The following ATRNL1 variants were observed in gnomAD, a reference collection of about 807,000 sequenced individuals.
The protein encoded by ATRNL1 is attractin-like protein 1.
Under a neutral mutation model 182.7 loss-of-function variants are expected in ATRNL1, and 95 were observed. The observed-to-expected ratio is 0.52, with a 90% CI of 0.44 to 0.62. The LOEUF is 0.62. ATRNL1 is among the 20% of genes least tolerant of loss of function. The pLI, the probability that ATRNL1 is intolerant of heterozygous loss-of-function variation, is 0.00. For synonymous variants in ATRNL1, 576 were observed against 568.3 expected (o/e 1.01, Z -0.19); for missense variants, 1,471 against 1,679.5 (o/e 0.88, Z 2.17).
At chr10:115,659,472 C>T (rs1288801726) in intron 26 of ATRNL1, among the ~76,000 whole-genome samples, 1 of 152,076 alleles carries the variant, frequency 6.6e-6, no homozygotes, top group African/African-American at 2.4e-5. Context: ...CAGGCAGTCT[C>T]CTGGGCCCAC....
chr10:115,308,654 A>G (rs1393801437), intron 17 of ATRNL1, among the ~76,000 whole-genome samples: 1 of 152,132 alleles, frequency 6.6e-6, no homozygotes, highest in Non-Finnish European at 1.5e-5. Flanking sequence ...CCAATTAACC[A>G]TATTTCATAC....
chr10:115,859,461 C>T (rs1951261728), intron 28 of ATRNL1, among the ~76,000 whole-genome samples: 1 of 152,084 alleles, frequency 6.6e-6, no homozygotes, highest in Non-Finnish European at 1.5e-5. Flanking sequence ...GGCAGTACTG[C>T]ACAATTCTGC....
At chr10:115,383,680 A>G (rs1554951817) in intron 19 of ATRNL1, among the ~76,000 whole-genome samples, 2 of 152,012 alleles carry the variant, frequency 1.3e-5, no homozygotes, top group African/African-American at 4.8e-5. Context: ...AAAAATATAC[A>G]AATATTCAGA....
intron 28 of ATRNL1, among the ~76,000 whole-genome samples, chr10:115,871,293 A>G (rs1951572691): frequency 6.6e-6 from 1 of 151,016 alleles, no homozygotes; most frequent in African/African-American, 2.4e-5. Context: ...TAATCTTACA[A>G]CCCAGATATA....
intron 27 of ATRNL1, among the ~76,000 whole-genome samples, chr10:115,756,991 T>C (rs1948607625): frequency 6.6e-6 from 1 of 152,198 alleles, no homozygotes; most frequent in Non-Finnish European, 1.5e-5. Context: ...CCCTGCTTTT[T>C]TTTGTTTTGC....
intron 27 of ATRNL1, among the ~76,000 whole-genome samples, chr10:115,737,297 C>T (rs1490070514): frequency 6.7e-6 from 1 of 149,296 alleles, no homozygotes; most frequent in Non-Finnish European, 1.5e-5. Context: ...AAAGGCTGGG[C>T]ATGGTGGCAT....
chr10:115,287,930 T>G (rs1554919599), intron 15 of ATRNL1, among the ~76,000 whole-genome samples: 1 of 149,398 alleles, frequency 6.7e-6, no homozygotes, highest in Admixed American at 6.7e-5. Context: ...AACTGTTTTT[T>G]TTTTTTTTTT....
At position 115,787,074 on chromosome 10, in the gene ATRNL1, G is replaced by T. The variant is rs78872394; in HGVS notation, c.3903+59719G>T. 9.2e-5 allele frequency among the ~76,000 whole-genome samples: 14 copies of T among 152,274 alleles called. 1 individual carries two copies. In the East Asian group the frequency reaches 2.7e-3, roughly 29 times the overall value. ...TATCAAAGGTTCTTTATCTGATTCT[G>T]TGAATTGATATTTAATACATGGTCT... On this transcript the variant is annotated intron_variant, in intron 27 of 28. Transcript: ENST00000355044.
chr10:115,445,022 C>T (rs111922303), intron 21 of ATRNL1, among the ~76,000 whole-genome samples: 2,486 of 152,062 alleles, frequency 0.016, 19 homozygotes, highest in Middle Eastern at 0.037. Flanking sequence ...TGAGCCACTG[C>T]ACCCGACCCT....
chr10:115,482,938 G>C (rs558010860), intron 24 of ATRNL1, among the ~76,000 whole-genome samples: 1 of 151,258 alleles, frequency 6.6e-6, no homozygotes, highest in Non-Finnish European at 1.5e-5. Flanking sequence ...TGTACTAACC[G>C]TAAGGTAAGA....
At chr10:115,165,354 C>G (rs1206717453) in intron 6 of ATRNL1, among the ~76,000 whole-genome samples, 6 of 151,858 alleles carry the variant, frequency 4.0e-5, no homozygotes, top group Admixed American at 1.3e-4. Flanking sequence ...ATTCAGGAGA[C>G]TGAATCCTAA....
At chr10:115,149,228 G>A (rs1171486983) in intron 5 of ATRNL1, among the ~76,000 whole-genome samples, 1 of 152,028 alleles carries the variant, frequency 6.6e-6, no homozygotes, top group African/African-American at 2.4e-5. Context: ...AAAAGGGAAG[G>A]GAAAATCTCC....
intron 19 of ATRNL1, among the ~76,000 whole-genome samples, chr10:115,337,932 A>G (rs1252853396): frequency 5.9e-5 from 9 of 152,110 alleles, no homozygotes; most frequent in Non-Finnish European, 1.2e-4. Flanking sequence ...TTAGATTCTC[A>G]TAAGGAGTGC....
At chr10:115,647,529 T>A (rs1328327199) in intron 26 of ATRNL1, among the ~76,000 whole-genome samples, 1 of 152,196 alleles carries the variant, frequency 6.6e-6, no homozygotes, top group Non-Finnish European at 1.5e-5. Flanking sequence ...GTGGTTTTGA[T>A]TTGCATTTCT....
chr10:115,477,402 A>C (rs1848584139), intron 24 of ATRNL1, among the ~76,000 whole-genome samples: 1 of 151,570 alleles, frequency 6.6e-6, no homozygotes, highest in African/African-American at 2.4e-5. Context: ...GACATTCTTA[A>C]CTGGGCATGC....
At chr10:115,511,473 C>T (rs1376327417) in intron 24 of ATRNL1, among the ~76,000 whole-genome samples, 1 of 151,854 alleles carries the variant, frequency 6.6e-6, no homozygotes, top group South Asian at 2.1e-4. Context: ...GTTAGATGAA[C>T]TTGATAATTT....
chr10:115,213,028 TGGA>T (rs1395010452), intron 8 of ATRNL1, among the ~76,000 whole-genome samples: 29 of 152,160 alleles, frequency 1.9e-4, no homozygotes, highest in Non-Finnish European at 3.7e-4. Context: ...AGTTACATGT[TGGA>T]GTATTTTTAT....
intron 28 of ATRNL1, among the ~76,000 whole-genome samples, chr10:115,899,465 C>G (rs1040939297): frequency 2.0e-5 from 3 of 152,066 alleles, no homozygotes; most frequent in Non-Finnish European, 2.9e-5. Flanking sequence ...TGTGCCACCA[C>G]GCCCTGCTAA....
At chr10:115,647,235 T>C (rs1555032859) in intron 26 of ATRNL1, among the ~76,000 whole-genome samples, 1 of 152,108 alleles carries the variant, frequency 6.6e-6, no homozygotes, top group Non-Finnish European at 1.5e-5. Context: ...GTCTTTGCTA[T>C]TGTGAATAGT....
Sources: allele counts gnomAD v4.1 joint callset (sites outside exome capture counted in the v4.1 genomes callset), GRCh38; gene constraint gnomAD v4.1.1; transcripts MANE v1.5; gene names NCBI Gene and HGNC (gene_info 2026-07-23, HGNC 2026-07-21).